The following CFAP43 variants were observed in gnomAD, a reference collection of about 807,000 sequenced individuals.
CFAP43 encodes cilia and flagella associated protein 43, also known as cilia- and flagella-associated protein 43.
Under a neutral mutation model 218.9 loss-of-function variants are expected in CFAP43, and 155 were observed. The observed-to-expected ratio is 0.71, with a 90% confidence interval of 0.62 to 0.81. CFAP43 has a LOEUF of 0.81. Ranked by LOEUF, CFAP43 falls within the 30% of genes least tolerant of loss-of-function variation. CFAP43 has a pLI of 0.00. For missense variants in CFAP43, 1,778 were observed against 1,954.3 expected, an observed-to-expected ratio of 0.91 and a Z score of 1.70; for synonymous variants, 645 against 681.3, an observed-to-expected ratio of 0.95 and a Z score of 0.83.
chr10:104,205,814 C>T, intron 7 of CFAP43, 149 bp downstream of exon 7: 1 of 691,386 alleles, frequency 1.4e-6, no homozygotes. Flanking sequence ...ATAATAAATC[C>T]TTTTTAATAG....
chr10:104,168,771 C>G lies in CFAP43; in HGVS notation c.2664G>C (p.Ser888=). 2 of 1,614,054 alleles carry G rather than the reference C, an allele frequency of 1.2e-6. No individual in the cohort carries two copies. Among genetic ancestry groups the G allele is most frequent in the Non-Finnish European group, 1.7e-6 (2 of 1,179,976 alleles). The stretch of plus-strand genomic sequence containing the variant: ...TAAGAGCTCGACCTTTCACAGCCAT[C>G]GAATTCCAACATTCTTCTTTGATAA... ...AELIKEECWN[S]MAVKGRALKC... Residue 888 remains serine (S), a synonymous_variant, in exon 21 of 38, where the codon TCG becomes TCC. Transcript: ENST00000357060.
chr10:104,211,960 T>C, intron 5 of CFAP43, 47 bp downstream of exon 5: 2 of 1,588,144 alleles, frequency 1.3e-6, no homozygotes, highest in South Asian at 1.1e-5. Flanking sequence ...TCAGGCTTCC[T>C]AGACCTCAAC....
chr10:104,194,067 C>T (rs1048656749), intron 10 of CFAP43, 53 bp from the exon 11 acceptor site: 39 of 1,592,792 alleles, frequency 2.4e-5, no homozygotes, highest in Non-Finnish European at 3.0e-5. Flanking sequence ...CTCTCCTACA[C>T]GTAAGAATGC....
chr10:104,161,158 A>G lies in CFAP43; in HGVS notation c.3419T>C (p.Ile1140Thr). Reference protein sequence around the residue: ...VKKEDILRMVIPQPAFMAKPD... With the variant: ...VKKEDILRMVTPQPAFMAKPD... ...TTTTGCCATGAAAGCAGGTTGAGGAATCACCTGAAGATATGAAGAAAAGCA... is the reference window on the plus strand; with the variant it reads ...TTTTGCCATGAAAGCAGGTTGAGGAGTCACCTGAAGATATGAAGAAAAGCA... Residue 1140 changes from isoleucine to threonine, a missense_variant, in exon 27 of 38, where the codon ATT becomes ACT. By Grantham distance (89) the Ile-to-Thr change is moderately conservative (BLOSUM62 -1). Coordinates refer to ENST00000357060, the MANE Select transcript of CFAP43 (RefSeq NM_025145.7). 1 of 1,613,704 alleles carries G rather than the reference A, an allele frequency of 6.2e-7. No individual in the cohort carries two copies. Among genetic ancestry groups the G allele is most frequent in the Non-Finnish European group, 8.5e-7 (1 of 1,179,814 alleles).
chr10:104,166,426 C>A (rs566054098), intron 23 of CFAP43, 62 bp downstream of exon 23: 2 of 1,208,518 alleles, frequency 1.7e-6, no homozygotes, highest in Admixed American at 2.3e-5. Context: ...CAATGTGAGG[C>A]CTTGAAAGCC....
intron 20 of CFAP43, among the ~76,000 whole-genome samples, chr10:104,171,782 G>T (rs1452806971): frequency 6.6e-6 from 1 of 152,170 alleles, no homozygotes; most frequent in Non-Finnish European, 1.5e-5. Context: ...TAGTATGAAT[G>T]GAGGTTTCAG....
At chr10:104,191,793 G>C (rs759085329) in intron 12 of CFAP43, among the ~76,000 whole-genome samples, 54 of 43,134 alleles carry the variant, frequency 1.3e-3, no homozygotes, top group South Asian at 2.8e-3. Flanking sequence ...TGTGTGTGGG[G>C]GGGGGGAAAC....
At chr10:104,168,615 AT>A in intron 21 of CFAP43, 128 bp downstream of exon 21, 1 of 693,572 alleles carries the variant, frequency 1.4e-6, no homozygotes, top group South Asian at 1.8e-5. Flanking sequence ...GAAATTCAGT[AT>A]AGGAAGGGGC....
chr10:104,185,906 T>A, intron 15 of CFAP43, 68 bp downstream of exon 15: 1 of 1,427,936 alleles, frequency 7.0e-7, no homozygotes, highest in South Asian at 1.3e-5. Context: ...TTTATATACA[T>A]ATAAAATGTT....
Position 104,187,359 on chromosome 10 carries a change from A to G in CFAP43, c.1821T>C (p.Ser607=). The change falls in exon 14 of 38, where the codon AGT becomes AGC. Residue 607 remains serine (S), a synonymous_variant. Coordinates refer to ENST00000357060, the MANE Select transcript of CFAP43 (RefSeq NM_025145.7). Reference sequence around the variant, plus strand: ...GGTAGCTACAGATGTATGGCACTTGACTACAGAAGCCATATATTTGGTTAC... The same window carrying G: ...GGTAGCTACAGATGTATGGCACTTGGCTACAGAAGCCATATATTTGGTTAC... ...FQSNQIYGFC[S]QVPYICSYLL... 1 of 1,610,050 alleles carries G rather than the reference A, an allele frequency of 6.2e-7. No homozygotes were observed.
At chr10:104,171,334 C>G (rs1343438524) in intron 20 of CFAP43, among the ~76,000 whole-genome samples, 1 of 152,198 alleles carries the variant, frequency 6.6e-6, no homozygotes, top group Non-Finnish European at 1.5e-5. Context: ...TGTTGAGATA[C>G]TCTTGTCCTA....
chr10:104,149,590 G>A (rs2088149480), intron 28 of CFAP43, among the ~76,000 whole-genome samples: 1 of 152,082 alleles, frequency 6.6e-6, no homozygotes, highest in Non-Finnish European at 1.5e-5. Context: ...TTAAACAAAT[G>A]TGACGGGTTT....
chr10:104,207,371 G>T (rs1222997526), intron 6 of CFAP43, among the ~76,000 whole-genome samples: 1 of 152,122 alleles, frequency 6.6e-6, no homozygotes, highest in Admixed American at 6.5e-5. Context: ...GGACTCTGAG[G>T]TATTATTGCC....
At chr10:104,206,772 G>A (rs2090702991) in intron 6 of CFAP43, among the ~76,000 whole-genome samples, 1 of 152,230 alleles carries the variant, frequency 6.6e-6, no homozygotes, top group Non-Finnish European at 1.5e-5. Flanking sequence ...TGCTCAATGA[G>A]TGGACAGTGG....
chr10:104,227,394 T>G (rs1166348723), intron 2 of CFAP43, among the ~76,000 whole-genome samples: 2 of 152,226 alleles, frequency 1.3e-5, no homozygotes, highest in African/African-American at 4.8e-5. Flanking sequence ...TAGTCCCACC[T>G]TCAGCAAATA....
intron 2 of CFAP43, among the ~76,000 whole-genome samples, chr10:104,227,392 C>T (rs2091331516): frequency 6.6e-6 from 1 of 152,184 alleles, no homozygotes; most frequent in East Asian, 1.9e-4. Flanking sequence ...TATAGTCCCA[C>T]CTTCAGCAAA....
At chr10:104,205,195 A>G (rs1358963289) in intron 7 of CFAP43, among the ~76,000 whole-genome samples, 2 of 141,384 alleles carry the variant, frequency 1.4e-5, no homozygotes, top group East Asian at 4.2e-4. Context: ...CCTGGGAGAC[A>G]GAGCGAGACT....
chr10:104,180,488 C>T (rs1348650095), intron 17 of CFAP43, among the ~76,000 whole-genome samples: 1 of 149,692 alleles, frequency 6.7e-6, no homozygotes, highest in African/African-American at 2.5e-5. Flanking sequence ...CTCTGTCACC[C>T]AGGCTGGAGT....
At chr10:104,187,513 A>C in intron 13 of CFAP43, 21 bp from the exon 14 acceptor site, 1 of 1,521,156 alleles carries the variant, frequency 6.6e-7, no homozygotes, top group Non-Finnish European at 8.8e-7. Flanking sequence ...TGGAAAAAGA[A>C]GAGAAATCAC....
Sources: allele counts gnomAD v4.1 joint callset (sites outside exome capture counted in the v4.1 genomes callset), GRCh38; gene constraint gnomAD v4.1.1; transcripts MANE v1.5; gene names NCBI Gene and HGNC (gene_info 2026-07-23, HGNC 2026-07-21).